The following KDM4C variants were observed in gnomAD, a reference collection of about 807,000 sequenced individuals.
KDM4C encodes the protein lysine demethylase 4C, also known as lysine-specific demethylase 4C.
Under a neutral mutation model 129.3 loss-of-function variants are expected in KDM4C, and 81 were observed. The ratio of observed to expected loss-of-function variants is 0.63; its 90% CI spans 0.52 to 0.75. The LOEUF (loss-of-function observed/expected upper bound fraction) is 0.75. Ranked by LOEUF, KDM4C falls within the 30% of genes least tolerant of loss-of-function variation. KDM4C has a pLI of 0.00. For synonymous variants in KDM4C, 573 were observed against 456.1 expected, an observed-to-expected ratio of 1.26 and a Z score of -3.26; for missense variants, 1,457 against 1,304.0, an observed-to-expected ratio of 1.12 and a Z score of -1.81.
intron 12 of KDM4C, among the ~76,000 whole-genome samples, chr9:7,008,124 C>T (rs967059591): frequency 2.0e-5 from 3 of 152,104 alleles, no homozygotes; most frequent in African/African-American, 4.8e-5. Flanking sequence ...TAATCCCAGG[C>T]GGTACAGTGA....
intron 8 of KDM4C, among the ~76,000 whole-genome samples, chr9:6,943,489 G>A (rs1197348409): frequency 2.6e-5 from 4 of 152,012 alleles, no homozygotes; most frequent in African/African-American, 7.2e-5. Context: ...GGGGAGGATC[G>A]CCTGAGCCCA....
At chr9:7,030,893 A>G (rs539220507) in intron 15 of KDM4C, among the ~76,000 whole-genome samples, 2 of 152,290 alleles carry the variant, frequency 1.3e-5, no homozygotes, top group African/African-American at 4.8e-5. Context: ...ATAGGTTGGA[A>G]TTCTCATTCC....
intron 6 of KDM4C, among the ~76,000 whole-genome samples, chr9:6,882,247 C>A (rs190501349): frequency 2.6e-5 from 4 of 152,254 alleles, no homozygotes; most frequent in African/African-American, 9.6e-5. Flanking sequence ...AATGCCATTG[C>A]ATTCTTTCTA....
At chr9:6,987,984 C>T (rs6477135) in intron 11 of KDM4C, among the ~76,000 whole-genome samples, 74,665 of 150,314 alleles carry the variant, frequency 0.5, 18,787 homozygotes, top group South Asian at 0.65. Context: ...ATGGTCACAC[C>T]CTGTGTCTAC....
At chr9:6,893,805 T>C (rs1420255199) in intron 8 of KDM4C, among the ~76,000 whole-genome samples, 3 of 152,244 alleles carry the variant, frequency 2.0e-5, no homozygotes, top group Admixed American at 6.5e-5. Context: ...GTATTTAATT[T>C]AGCTCACATA....
chr9:7,160,305 A>G (rs371752645), intron 19 of KDM4C, among the ~76,000 whole-genome samples: 6 of 151,938 alleles, frequency 3.9e-5, no homozygotes, highest in Admixed American at 6.6e-5. Context: ...GAAGTTTGTT[A>G]TTACCGACCT....
At chr9:7,078,354 G>T (rs1382125737) in intron 17 of KDM4C, among the ~76,000 whole-genome samples, 6 of 150,732 alleles carry the variant, frequency 4.0e-5, no homozygotes, top group Non-Finnish European at 8.8e-5. Flanking sequence ...GGAAGGACAT[G>T]GACACAGCTT....
intron 5 of KDM4C, among the ~76,000 whole-genome samples, chr9:6,859,339 G>T (rs1425354416): frequency 2.0e-5 from 3 of 152,016 alleles, no homozygotes; most frequent in Non-Finnish European, 4.4e-5. Context: ...GTTCGACGTA[G>T]TGGCCCACGC....
chr9:6,983,905 G>T (rs539153521), intron 9 of KDM4C, among the ~76,000 whole-genome samples: 3 of 151,606 alleles, frequency 2.0e-5, no homozygotes, highest in East Asian at 3.9e-4. Context: ...CAAAATTTTA[G>T]GAATGGCCCT....
chr9:6,857,558 T>C (rs569369630), intron 5 of KDM4C, among the ~76,000 whole-genome samples: 50 of 152,222 alleles, frequency 3.3e-4, no homozygotes, highest in Non-Finnish European at 5.1e-4. Context: ...ATCCAGGATA[T>C]CTAGTGTTTG....
At chr9:7,084,727 A>G (rs1309464607) in intron 17 of KDM4C, among the ~76,000 whole-genome samples, 1 of 152,216 alleles carries the variant, frequency 6.6e-6, no homozygotes, top group Admixed American at 6.5e-5. Flanking sequence ...GGAACATGTA[A>G]TACCCTCAAA....
chr9:6,971,261 A>C (rs1831936326), intron 8 of KDM4C, among the ~76,000 whole-genome samples: 1 of 152,174 alleles, frequency 6.6e-6, no homozygotes, highest in Non-Finnish European at 1.5e-5. Context: ...AATTGTTTTA[A>C]AGTGGTCTTT....
At chr9:7,140,441 T>C (rs1471375663) in intron 19 of KDM4C, among the ~76,000 whole-genome samples, 6 of 152,214 alleles carry the variant, frequency 3.9e-5, no homozygotes, top group Non-Finnish European at 7.3e-5. Flanking sequence ...AGAAATCTAA[T>C]GAGGATGAGG....
intron 2 of KDM4C, among the ~76,000 whole-genome samples, chr9:6,798,450 C>T (rs1020712079): frequency 1.6e-4 from 25 of 152,122 alleles, no homozygotes; most frequent in African/African-American, 5.8e-4. Flanking sequence ...TCTTAACGAG[C>T]ATGCTGCCTT....
chr9:6,729,438 G>C (rs1817252193), intron 1 of KDM4C, among the ~76,000 whole-genome samples: 1 of 127,838 alleles, frequency 7.8e-6, no homozygotes, highest in Admixed American at 8.6e-5. Context: ...TTACTTAGGA[G>C]GCTTTGGTGG....
At chr9:7,000,769 C>T (rs2792238) in intron 12 of KDM4C, among the ~76,000 whole-genome samples, 73,288 of 152,112 alleles carry the variant, frequency 0.48, 18,341 homozygotes, top group South Asian at 0.74. Context: ...TAGAATGTCT[C>T]AGCCTTATAG....
intron 1 of KDM4C, among the ~76,000 whole-genome samples, chr9:6,725,581 C>T (rs190879127): frequency 1.8e-4 from 27 of 151,436 alleles, no homozygotes; most frequent in African/African-American, 2.4e-4. Context: ...TCTGTCTCCC[C>T]GGATCAAGCA....
At chr9:7,029,619 G>A (rs956720598) in intron 15 of KDM4C, among the ~76,000 whole-genome samples, 5 of 151,876 alleles carry the variant, frequency 3.3e-5, no homozygotes, top group Non-Finnish European at 7.4e-5. Flanking sequence ...TAAACAAAAA[G>A]GAATGTGTGT....
intron 8 of KDM4C, among the ~76,000 whole-genome samples, chr9:6,923,332 G>A (rs1373508544): frequency 6.6e-6 from 1 of 151,968 alleles, no homozygotes; most frequent in Non-Finnish European, 1.5e-5. Context: ...GCACAAGTAT[G>A]GTTTGTAGTT....
Sources: gnomAD v4.1 joint callset for allele counts (sites outside exome capture counted in the v4.1 genomes callset) on GRCh38, gnomAD v4.1.1 for gene constraint, MANE v1.5 for transcripts, NCBI Gene and HGNC (gene_info 2026-07-23, HGNC 2026-07-21) for gene names.